The following ARID1B variants were observed in gnomAD, a reference collection of about 807,000 sequenced individuals.
The protein encoded by ARID1B is AT-rich interactive domain-containing protein 1B.
In ARID1B, 30 loss-of-function variants were observed where a neutral mutation model predicts 212.3. That is an observed-to-expected ratio of 0.14 (90% confidence interval 0.11 to 0.19). The LOEUF (loss-of-function observed/expected upper bound fraction) is 0.19. ARID1B is among the 10% of genes least tolerant of loss of function. The pLI, the probability that ARID1B is intolerant of heterozygous loss-of-function variation, is 1.00. For synonymous variants in ARID1B, 1,402 were observed against 1,301.7 expected, an observed-to-expected ratio of 1.08 and a Z score of -1.66; for missense variants, 2,891 against 3,204.0, an observed-to-expected ratio of 0.90 and a Z score of 2.36.
chr6:156,911,338 GT>G (rs57374747), intron 3 of ARID1B, among the ~76,000 whole-genome samples: 4,548 of 105,346 alleles, frequency 0.043, 49 homozygotes, highest in African/African-American at 0.094. Flanking sequence ...TAAATAATTA[GT>G]TTTTTTTTTT....
At chr6:156,811,931 T>C (rs959300956) in intron 1 of ARID1B, among the ~76,000 whole-genome samples, 6 of 152,196 alleles carry the variant, frequency 3.9e-5, no homozygotes, top group African/African-American at 1.4e-4. Context: ...TATATTATAA[T>C]ATGACCTTGG....
intron 6 of ARID1B, among the ~76,000 whole-genome samples, chr6:157,126,815 A>G (rs1321838189): frequency 6.6e-6 from 1 of 152,212 alleles, no homozygotes; most frequent in Non-Finnish European, 1.5e-5. Flanking sequence ...GAATTTCCCT[A>G]AATTCAGAAA....
chr6:156,966,754 G>T (rs1349599486), intron 4 of ARID1B, among the ~76,000 whole-genome samples: 1 of 152,056 alleles, frequency 6.6e-6, no homozygotes, highest in Non-Finnish European at 1.5e-5. Context: ...AGGCTGGAGT[G>T]CAGTGGCGCG....
chr6:157,204,470 T>C (rs975538126), intron 19 of ARID1B: 2 of 154,336 alleles, frequency 1.3e-5, no homozygotes, highest in African/African-American at 2.4e-5. Context: ...ATTTATAGAA[T>C]GTATAAATAT....
chr6:157,016,177 A>G (rs927980867), intron 4 of ARID1B, among the ~76,000 whole-genome samples: 1 of 152,074 alleles, frequency 6.6e-6, no homozygotes, highest in Non-Finnish European at 1.5e-5. Flanking sequence ...TCCCCTTTTA[A>G]TGCTTTGTGC....
At chr6:157,173,290 A>G (rs1791850565) in intron 9 of ARID1B, 1 of 152,284 alleles carries the variant, frequency 6.6e-6, no homozygotes, top group African/African-American at 2.4e-5. Context: ...TTCTGAGCCT[A>G]GTGCTAGAAA....
chr6:157,191,683 A>G (rs1404206421), intron 15 of ARID1B, among the ~76,000 whole-genome samples: 1 of 152,156 alleles, frequency 6.6e-6, no homozygotes, highest in Non-Finnish European at 1.5e-5. Flanking sequence ...ACAAGTGGAG[A>G]CTTGATATTT....
intron 2 of ARID1B, among the ~76,000 whole-genome samples, chr6:156,886,942 T>G (rs1787555128): frequency 6.6e-6 from 1 of 152,192 alleles, no homozygotes; most frequent in South Asian, 2.1e-4. Context: ...AGGAGTTAGT[T>G]TTTGAACCAC....
intron 2 of ARID1B, among the ~76,000 whole-genome samples, chr6:156,841,919 A>G (rs1783928781): frequency 6.6e-6 from 1 of 152,194 alleles, no homozygotes; most frequent in Admixed American, 6.5e-5. Context: ...GCACTGTTTT[A>G]TGATTCTGGT....
intron 3 of ARID1B, among the ~76,000 whole-genome samples, chr6:156,931,488 G>A (rs914475359): frequency 5.3e-5 from 8 of 151,922 alleles, no homozygotes; most frequent in Admixed American, 2.0e-4. Flanking sequence ...CAAGTACCTC[G>A]CAAAGGGAAT....
chr6:156,957,480 A>G (rs1241172226), intron 4 of ARID1B, among the ~76,000 whole-genome samples: 1 of 152,082 alleles, frequency 6.6e-6, no homozygotes, highest in African/African-American at 2.4e-5. Context: ...CCTGGCTGCC[A>G]GGACCACCGT....
At chr6:157,150,289 C>T (rs1348026577) in intron 8 of ARID1B, 4 of 152,064 alleles carry the variant, frequency 2.6e-5, no homozygotes, top group Admixed American at 2.6e-4. Context: ...TACGCGTGCC[C>T]CCTCTCTGAG....
At chr6:157,101,883 A>T (rs1786070852) in intron 5 of ARID1B, among the ~76,000 whole-genome samples, 1 of 152,202 alleles carries the variant, frequency 6.6e-6, no homozygotes, top group African/African-American at 2.4e-5. Context: ...TAATCATGTC[A>T]ATATTCCATC....
intron 4 of ARID1B, among the ~76,000 whole-genome samples, chr6:157,077,255 C>G (rs2128445383): frequency 6.6e-6 from 1 of 152,242 alleles, no homozygotes; most frequent in Admixed American, 6.5e-5. Context: ...TTAAATAGTA[C>G]CTGCAATTTT....
chr6:157,022,759 A>G (rs1365874332), intron 4 of ARID1B: 1 of 108,826 alleles, frequency 9.2e-6, no homozygotes, highest in Non-Finnish European at 2.0e-5. Flanking sequence ...ATAACTTATA[A>G]CTTATGTGTG....
chr6:156,825,779 C>CATAG (rs1782698704), intron 1 of ARID1B, among the ~76,000 whole-genome samples: 1 of 152,238 alleles, frequency 6.6e-6, no homozygotes, highest in Non-Finnish European at 1.5e-5. Context: ...TCAGCCTCTC[C>CATAG]ATAGGTCCTT....
intron 4 of ARID1B, chr6:156,936,682 A>G (rs1264913361): frequency 2.0e-5 from 3 of 151,396 alleles, no homozygotes; most frequent in African/African-American, 7.3e-5. Context: ...AAAAAAAAGA[A>G]TAAATCTATA....
At chr6:157,003,975 A>G (rs1347154715) in intron 4 of ARID1B, among the ~76,000 whole-genome samples, 1 of 152,194 alleles carries the variant, frequency 6.6e-6, no homozygotes, top group South Asian at 2.1e-4. Context: ...TCTCTACAAA[A>G]AGGACAAAAA....
chr6:157,081,457 C>G (rs1784627373), intron 4 of ARID1B, among the ~76,000 whole-genome samples: 1 of 152,152 alleles, frequency 6.6e-6, no homozygotes, highest in Admixed American at 6.5e-5. Flanking sequence ...GGGAATATTT[C>G]TGTATAATTT....
Sources: gnomAD v4.1 joint callset for allele counts (sites outside exome capture counted in the v4.1 genomes callset) on GRCh38, gnomAD v4.1.1 for gene constraint, MANE v1.5 for transcripts, NCBI Gene and HGNC (gene_info 2026-07-23, HGNC 2026-07-21) for gene names.